Variants in PCBP2 observed in about 807,000 individuals in gnomAD.
PCBP2 encodes the protein poly(rC) binding protein 2, also known as poly(rC)-binding protein 2.
A neutral mutation model predicts 50.1 loss-of-function variants in PCBP2; 4 were observed. The observed-to-expected ratio is 0.08, with a 90% CI of 0.04 to 0.18. The LOEUF (loss-of-function observed/expected upper bound fraction) is 0.18, where lower values mean the gene tolerates loss of function less well. Among genes scored for constraint, PCBP2 ranks in the 10% least tolerant of loss-of-function variants. The pLI, the probability that PCBP2 is intolerant of heterozygous loss-of-function variation, is 1.00. For missense variants in PCBP2, 161 were observed against 474.3 expected (o/e 0.34, Z 6.14); for synonymous variants, 179 against 168.0 (o/e 1.07, Z -0.51).
At chr12:53,472,454 C>A (rs1412897486) in intron 14 of PCBP2, among the ~76,000 whole-genome samples, 1 of 152,206 alleles carries the variant, frequency 6.6e-6, no homozygotes, top group Non-Finnish European at 1.5e-5. Context: ...TGTTACTACT[C>A]TCAATTTTAG....
At chr12:53,454,950 A>C in intron 2 of PCBP2, 81 bp downstream of exon 2, 17 of 1,164,036 alleles carry the variant, frequency 1.5e-5, no homozygotes, top group Non-Finnish European at 1.8e-5. Context: ...CTTGGAGCTC[A>C]TCAGATTAGC....
intron 10 of PCBP2, among the ~76,000 whole-genome samples, chr12:53,466,911 C>A (rs575663054): frequency 3.3e-5 from 5 of 152,138 alleles, no homozygotes; most frequent in Admixed American, 6.5e-5. Context: ...GCAACTGTTG[C>A]AATGGCTGCA....
chr12:53,455,046 T>C (rs1281416847), intron 2 of PCBP2, among the ~76,000 whole-genome samples, 177 bp downstream of exon 2: 1 of 152,098 alleles, frequency 6.6e-6, no homozygotes, highest in East Asian at 1.9e-4. Flanking sequence ...ACTAGGAAGC[T>C]CCACTGAGCA....
At chr12:53,472,075 C>G (rs974989641) in intron 14 of PCBP2, among the ~76,000 whole-genome samples, 6 of 151,948 alleles carry the variant, frequency 3.9e-5, no homozygotes, top group Non-Finnish European at 7.4e-5. Context: ...TCCTTGTCTT[C>G]AGTAAGAGTC....
At chr12:53,478,433 G>A (rs980780794) in intron 14 of PCBP2, among the ~76,000 whole-genome samples, 46 of 152,160 alleles carry the variant, frequency 3.0e-4, no homozygotes, top group Non-Finnish European at 6.2e-4. Flanking sequence ...GCTAGAACAC[G>A]GGAGGCAGGG....
Position 53,469,965 on chromosome 12 carries a change from T to C in PCBP2, c.882+1133T>C, listed in dbSNP as rs377072188. Among the ~76,000 whole-genome samples the C allele has an allele frequency of 2.5e-4, 38 of 152,002 alleles. No homozygotes were observed. In the East Asian group the frequency reaches 3.3e-3, roughly 13 times the overall value. On this transcript the variant is annotated intron_variant, in intron 13 of 14. Coordinates refer to ENST00000546463, the MANE Select transcript of PCBP2 (RefSeq NM_031989.5). ...TTCTCCATGTTGGTCAGGCTGGTCT[T>C]GAACTCCTGACCTTACGTGATCCCC... is the stretch of plus-strand genomic sequence containing the variant.
intron 1 of PCBP2, chr12:53,453,165 T>TA (rs1199127812): frequency 6.6e-6 from 1 of 151,992 alleles, no homozygotes; most frequent in East Asian, 1.9e-4. Context: ...TGCATCTTTG[T>TA]ACTTTACCTC....
chr12:53,455,320 T>G (rs1940923095), intron 2 of PCBP2, 27 bp from the exon 3 acceptor site: 1 of 1,607,306 alleles, frequency 6.2e-7, no homozygotes, highest in South Asian at 1.1e-5. Flanking sequence ...AGTTTCCTCT[T>G]ACTGACGTTA....
intron 1 of PCBP2, 161 bp from the exon 2 acceptor site, chr12:53,454,565 G>T: frequency 3.8e-6 from 2 of 526,776 alleles, no homozygotes; most frequent in Non-Finnish European, 6.9e-6. Flanking sequence ...AACCTGAGCT[G>T]TATATTTTGT....
chr12:53,471,518 G>A, intron 13 of PCBP2, 120 bp from the exon 14 acceptor site: 2 of 915,400 alleles, frequency 2.2e-6, no homozygotes, highest in South Asian at 3.6e-5. Flanking sequence ...AGTGAGCCAA[G>A]ATCAGGCCAC....
intron 9 of PCBP2, chr12:53,465,093 C>T (rs1292521980): frequency 1.6e-5 from 6 of 369,968 alleles, no homozygotes; most frequent in Non-Finnish European, 2.9e-5. Flanking sequence ...TCCCCTCTCC[C>T]ACTCCTCCCA....
intron 1 of PCBP2, among the ~76,000 whole-genome samples, chr12:53,453,489 C>T (rs565579204): frequency 5.8e-4 from 88 of 152,268 alleles, no homozygotes; most frequent in Admixed American, 1.4e-3. Context: ...CACTTACATT[C>T]TTGGAGTAGC....
intron 9 of PCBP2, among the ~76,000 whole-genome samples, chr12:53,465,212 C>G (rs1432700981): frequency 6.6e-6 from 1 of 152,030 alleles, no homozygotes; most frequent in South Asian, 2.1e-4. Context: ...CTTCCATCCC[C>G]TCCCTCCCTG....
At chr12:53,472,783 C>A (rs1942328135) in intron 14 of PCBP2, among the ~76,000 whole-genome samples, 1 of 152,108 alleles carries the variant, frequency 6.6e-6, no homozygotes, top group Admixed American at 6.6e-5. Context: ...TAGCTAAGAA[C>A]ATACCATTTC....
At chr12:53,462,250 A>G (rs1378771487) in intron 7 of PCBP2, among the ~76,000 whole-genome samples, 1 of 152,238 alleles carries the variant, frequency 6.6e-6, no homozygotes. Context: ...GCCGAAGATT[A>G]TTACATGGAC....
chr12:53,473,223 T>TA (rs1942356133), intron 14 of PCBP2, among the ~76,000 whole-genome samples: 2 of 151,966 alleles, frequency 1.3e-5, no homozygotes, highest in Admixed American at 6.6e-5. Flanking sequence ...AGCTGGGACT[T>TA]ACAGGCACGT....
intron 5 of PCBP2, among the ~76,000 whole-genome samples, chr12:53,458,960 A>T (rs535926449): frequency 4.6e-5 from 7 of 152,220 alleles, no homozygotes; most frequent in Middle Eastern, 3.4e-3. Flanking sequence ...TAATTTTGAC[A>T]TCATCTTTTT....
intron 14 of PCBP2, among the ~76,000 whole-genome samples, chr12:53,472,895 A>G (rs1051107029): frequency 6.6e-6 from 1 of 152,026 alleles, no homozygotes; most frequent in African/African-American, 2.4e-5. Flanking sequence ...TTTCTTGTCC[A>G]CCCACCAAGC....
intron 13 of PCBP2, among the ~76,000 whole-genome samples, chr12:53,469,544 A>G (rs1942056495): frequency 6.6e-6 from 1 of 151,786 alleles, no homozygotes; most frequent in Non-Finnish European, 1.5e-5. Flanking sequence ...ACCATGGAGG[A>G]ACCCATCTCT....
Sources: allele counts gnomAD v4.1 joint callset (sites outside exome capture counted in the v4.1 genomes callset), GRCh38; gene constraint gnomAD v4.1.1; transcripts MANE v1.5; gene names NCBI Gene and HGNC (gene_info 2026-07-23, HGNC 2026-07-21).